Variants in SUCO observed in about 807,000 individuals in gnomAD.
SUCO encodes the protein SUN domain-containing ossification factor.
Under a neutral mutation model 148.1 loss-of-function variants are expected in SUCO, and 57 were observed. The observed-to-expected ratio is 0.38, with a 90% CI of 0.31 to 0.48. The LOEUF (loss-of-function observed/expected upper bound fraction) is 0.48. Among genes scored for constraint, SUCO ranks in the 20% least tolerant of loss-of-function variants. The pLI, the probability that SUCO is intolerant of heterozygous loss-of-function variation, is 0.96. For missense variants in SUCO, 1,331 were observed against 1,468.2 expected (o/e 0.91, Z 1.53); for synonymous variants, 470 against 502.7 (o/e 0.93, Z 0.87).
At chr1:172,582,094 C>G (rs377039682) in intron 15 of SUCO, among the ~76,000 whole-genome samples, 2 of 152,104 alleles carry the variant, frequency 1.3e-5, no homozygotes, top group African/African-American at 4.8e-5. Flanking sequence ...AGACCTCTGC[C>G]TACTTTGATA....
Position 172,539,174 on chromosome 1 carries a change from C to A in SUCO, c.62+5677C>A, listed in dbSNP as rs542315511. 7.9e-4 allele frequency among the ~76,000 whole-genome samples: 120 copies of A among 152,226 alleles called. 1 individual carries two copies. Among genetic ancestry groups the A allele is most frequent in the African/African-American group, 2.8e-3 (115 of 41,528 alleles). ...AATATGTATAATTAATATTCTTATG[C>A]TTATAATGAAAGGGAAACTTATAAA... On this transcript the variant is annotated intron_variant, in intron 1 of 23. Coordinates refer to ENST00000263688, the MANE Select transcript of SUCO (RefSeq NM_014283.5).
At chr1:172,573,510 C>T (rs1571236321) in intron 9 of SUCO, among the ~76,000 whole-genome samples, 1 of 152,008 alleles carries the variant, frequency 6.6e-6, no homozygotes. Context: ...AGAACTAAAT[C>T]GAAGACTATG....
chr1:172,603,629 G>T (rs1657673853), intron 22 of SUCO, among the ~76,000 whole-genome samples: 2 of 151,838 alleles, frequency 1.3e-5, no homozygotes, highest in Admixed American at 1.3e-4. Context: ...CTTTTTATAA[G>T]TGAAATTTTT....
intron 14 of SUCO, 38 bp downstream of exon 14, chr1:172,578,427 T>A: frequency 6.3e-7 from 1 of 1,577,484 alleles, no homozygotes; most frequent in Non-Finnish European, 8.7e-7. Flanking sequence ...AGGTATATTT[T>A]TTTTACTTTT....
chr1:172,595,776 A>T (rs1304167358), intron 19 of SUCO, among the ~76,000 whole-genome samples: 1 of 151,886 alleles, frequency 6.6e-6, no homozygotes, highest in African/African-American at 2.4e-5. Context: ...CTTCTCGAGG[A>T]GTATCTTTGT....
rs1658023813 is a variant in SUCO at position 172,608,817 on chromosome 1, CTT to C, written c.3321+19_3321+20del. 6.6e-7 allele frequency: 1 copy of C among 1,506,694 alleles called. No individual in the cohort carries two copies. Among genetic ancestry groups the C allele is most frequent in the South Asian group, 1.2e-5 (1 of 84,684 alleles). 93.3% of individuals were successfully genotyped at this position (1,506,694 alleles called of 1,614,324 possible). A position where few individuals can be genotyped will look rare whatever the true frequency, so the allele number is the denominator to read the frequency against. On this transcript the variant is annotated intron_variant, in intron 23 of 23. Coordinates refer to ENST00000263688, the MANE Select transcript of SUCO (RefSeq NM_014283.5). Reference sequence around the variant, plus strand: ...CAGAAAAGAAGGTAATTGTTTATTTCTTTTTAAGTTTATTGCTATGTTTTGTG... The same window carrying C: ...CAGAAAAGAAGGTAATTGTTTATTTCTTTAAGTTTATTGCTATGTTTTGTG...
chr1:172,571,269 C>T (rs974240941), intron 9 of SUCO, among the ~76,000 whole-genome samples: 2 of 152,214 alleles, frequency 1.3e-5, no homozygotes, highest in Non-Finnish European at 2.9e-5. Context: ...CTGTGTTGGC[C>T]GGGCTGGTCT....
chr1:172,590,371 G>A (rs1274689457), intron 18 of SUCO: 6 of 984,962 alleles, frequency 6.1e-6, no homozygotes, highest in Non-Finnish European at 4.8e-6. Flanking sequence ...GGGCACATTT[G>A]CAGTTTGCTC....
At chr1:172,555,670 T>C (rs1378663821) in intron 3 of SUCO, among the ~76,000 whole-genome samples, 199 bp from the exon 4 acceptor site, 1 of 152,176 alleles carries the variant, frequency 6.6e-6, no homozygotes, top group East Asian at 1.9e-4. Flanking sequence ...TGAAAAATGC[T>C]TAGGGCCTGT....
chr1:172,582,441 T>C (rs1655938713), intron 15 of SUCO, among the ~76,000 whole-genome samples: 1 of 152,114 alleles, frequency 6.6e-6, no homozygotes, highest in Non-Finnish European at 1.5e-5. Context: ...GTAAATAATA[T>C]GGAGATATTT....
chr1:172,594,746 A>G (rs1219921600), intron 19 of SUCO, among the ~76,000 whole-genome samples: 3 of 152,190 alleles, frequency 2.0e-5, no homozygotes, highest in Non-Finnish European at 2.9e-5. Flanking sequence ...AAAAGAATGT[A>G]TATTTTGTTG....
chr1:172,578,253 C>T (rs368510776), intron 13 of SUCO, 45 bp from the exon 14 acceptor site: 30 of 1,354,572 alleles, frequency 2.2e-5, no homozygotes, highest in East Asian at 6.9e-5. Flanking sequence ...TTAGTCTTAA[C>T]GAGTGTTTTG....
At chr1:172,609,481 C>A in intron 23 of SUCO, 1 of 905,004 alleles carries the variant, frequency 1.1e-6, no homozygotes, top group Non-Finnish European at 1.3e-6. Context: ...AAAATACCGA[C>A]CTTTCAGGGT....
Position 172,589,096 on chromosome 1 carries a change from C to G in SUCO, c.1995C>G (p.Pro665=), listed in dbSNP as rs1419713702. 1.2e-6 allele frequency: 2 copies of G among 1,613,552 alleles called. No individual in the cohort carries two copies. Among genetic ancestry groups the G allele is most frequent in the Admixed American group, 1.7e-5 (1 of 59,938 alleles). The change falls in exon 18 of 24, where the codon CCC becomes CCG. Residue 665 remains proline (P), a synonymous_variant. Transcript: ENST00000263688. ...ATTATCTTGTGTTAGCTCAACCACC[C>G]TTACTACTTCCTGCGGAATCAGTAG... ...GKDYLVLAQP[P]LLLPAESVDV...
Position 172,589,248 on chromosome 1 carries a change from T to C in SUCO, c.2147T>C (p.Val716Ala), listed in dbSNP as rs2149260445. The change falls in exon 18 of 24, where the codon GTA (valine) becomes GCA (alanine). Residue 716 changes from valine (V) to alanine (A), a missense_variant. By Grantham distance (64) the Val-to-Ala change is moderately conservative (BLOSUM62 0). Coordinates refer to ENST00000263688, the MANE Select transcript of SUCO (RefSeq NM_014283.5). ...MHQDDLVNHT[V>A]DAVELEPSHS... is the part of the protein sequence containing the mutation. The stretch of plus-strand genomic sequence containing the variant: ...CAGGATGACTTGGTGAATCACACTG[T>C]AGATGCAGTTGAACTTGAACCAAGC... The C allele has an allele frequency of 6.2e-7, 1 of 1,613,944 alleles. No homozygotes were observed. The highest frequency in any genetic ancestry group is 8.5e-7 in the Non-Finnish European group (1 of 1,179,902).
At chr1:172,545,767 A>AGCTG (rs772223965) in intron 1 of SUCO, among the ~76,000 whole-genome samples, 22 of 152,338 alleles carry the variant, frequency 1.4e-4, no homozygotes, top group South Asian at 1.2e-3. Flanking sequence ...CTGACATTTC[A>AGCTG]GCACATATTC....
chr1:172,578,248 C>G, intron 13 of SUCO, 50 bp from the exon 14 acceptor site: 2 of 1,331,228 alleles, frequency 1.5e-6, no homozygotes, highest in South Asian at 1.2e-5. Flanking sequence ...AGAGATTAGT[C>G]TTAACGAGTG....
Position 172,595,784 on chromosome 1 carries a change from T to A in SUCO, c.2914-4280T>A, listed in dbSNP as rs1309208762. On this transcript the variant is annotated intron_variant, in intron 19 of 23. Transcript: ENST00000263688. Reference sequence around the variant, plus strand: ...AGTTGCTCTTCTCGAGGAGTATCTTTGTGGCGTTCTGTGTATTTCCTGAAT... The same window carrying A: ...AGTTGCTCTTCTCGAGGAGTATCTTAGTGGCGTTCTGTGTATTTCCTGAAT... 5.9e-5 allele frequency among the ~76,000 whole-genome samples: 9 copies of A among 152,196 alleles called. No homozygotes were observed. In the East Asian group the frequency reaches 1.7e-3, roughly 29 times the overall value.
upstream of SUCO, chr1:172,532,995 G>T (rs913173206): frequency 1.9e-5 from 27 of 1,408,192 alleles, no homozygotes; most frequent in South Asian, 4.1e-4. Flanking sequence ...TGGTGGGGGT[G>T]CGGGCGCCGC....
Sources: allele counts gnomAD v4.1 joint callset (sites outside exome capture counted in the v4.1 genomes callset), GRCh38; gene constraint gnomAD v4.1.1; transcripts MANE v1.5; gene names NCBI Gene and HGNC (gene_info 2026-07-23, HGNC 2026-07-21).